The following ARL17B variants were observed in gnomAD, a reference collection of about 807,000 sequenced individuals.
ARL17B encodes ADP-ribosylation factor-like protein 17.
chr17:46,279,184 CTT>C (rs1189159774), intron 4 of ARL17B, among the ~76,000 whole-genome samples: 10 of 136,976 alleles, frequency 7.3e-5, no homozygotes, highest in Admixed American at 7.3e-5. Context: ...TCTTTTTTTT[CTT>C]TTTTTTTTTT....
chr17:46,326,899 TA>T (rs2051756538), intron 3 of ARL17B, among the ~76,000 whole-genome samples: 1 of 60,572 alleles, frequency 1.7e-5, no homozygotes, highest in South Asian at 7.4e-4. Context: ...GCCACAACAA[TA>T]AATTAATCAA....
intron 4 of ARL17B, among the ~76,000 whole-genome samples, chr17:46,290,923 T>C (rs549750481): frequency 3.3e-5 from 5 of 152,362 alleles, no homozygotes; most frequent in African/African-American, 1.2e-4. Context: ...CCTCTTTTTC[T>C]GCAGGGTAAC....
intron 4 of ARL17B, among the ~76,000 whole-genome samples, chr17:46,284,012 C>T (rs1218515384): frequency 1.3e-3 from 202 of 151,754 alleles, no homozygotes; most frequent in Middle Eastern, 3.4e-3. Flanking sequence ...GGCGGTTTTT[C>T]CCTATCTCAG....
At chr17:46,280,342 C>T (rs1184455895) in intron 4 of ARL17B, among the ~76,000 whole-genome samples, 1 of 151,872 alleles carries the variant, frequency 6.6e-6, no homozygotes, top group African/African-American at 2.4e-5. Flanking sequence ...CCAGCCTGGG[C>T]AACAGAGTGA....
rs1567850464 is a variant in ARL17B at position 46,279,179 on chromosome 17, TTTTTC to T, written c.*22-3766_*22-3762del. ...GTCCTTTGCTAATAAGGCATTCTTT[TTTTTC>T]TTTTTTTTTTTTTTTTTGAGACAGA... On this transcript the variant is annotated intron_variant, in intron 4 of 4. Transcript: ENST00000570618. Among the ~76,000 whole-genome samples, 3 of 151,832 alleles carry T rather than the reference TTTTTC, an allele frequency of 2.0e-5. No homozygotes were observed. In the East Asian group the frequency reaches 5.8e-4, roughly 29 times the overall value.
chr17:46,279,172 A>C (rs1321978050), intron 4 of ARL17B, among the ~76,000 whole-genome samples: 1 of 148,234 alleles, frequency 6.7e-6, no homozygotes, highest in Admixed American at 6.8e-5. Context: ...CTAATAAGGC[A>C]TTCTTTTTTT....
chr17:46,288,925 G>A (rs2049992973), intron 4 of ARL17B, among the ~76,000 whole-genome samples: 1 of 152,124 alleles, frequency 6.6e-6, no homozygotes, highest in Non-Finnish European at 1.5e-5. Flanking sequence ...GGCTAGCCTT[G>A]AACTCCTGAC....
At chr17:46,331,564 G>A (rs1456041267), downstream of ARL17B, 1 of 1,606,336 alleles carries the variant, frequency 6.2e-7, no homozygotes, top group African/African-American at 1.4e-5. Context: ...ATTCCGCTGG[G>A]ACTGCATTCA....
At chr17:46,317,180 C>A (rs1201300878) in intron 3 of ARL17B, among the ~76,000 whole-genome samples, 23 of 84,134 alleles carry the variant, frequency 2.7e-4, no homozygotes, top group Non-Finnish European at 5.4e-4. Context: ...ACATCCCAGA[C>A]GGGCATGCCC....
chr17:46,291,235 G>C (rs1247812076), intron 4 of ARL17B, among the ~76,000 whole-genome samples: 3 of 152,236 alleles, frequency 2.0e-5, no homozygotes, highest in African/African-American at 7.2e-5. Flanking sequence ...AGATGGTATA[G>C]CGGGTGCACA....
chr17:46,290,182 T>C (rs529623103), intron 4 of ARL17B, among the ~76,000 whole-genome samples: 1 of 152,304 alleles, frequency 6.6e-6, no homozygotes, highest in African/African-American at 2.4e-5. Flanking sequence ...CCGGCTAGAG[T>C]ACAGTGGTGC....
At chr17:46,289,155 G>A (rs2049999765) in intron 4 of ARL17B, among the ~76,000 whole-genome samples, 2 of 152,236 alleles carry the variant, frequency 1.3e-5, no homozygotes, top group African/African-American at 4.8e-5. Context: ...CAAATTTGGT[G>A]TAAAGAAATC....
intron 4 of ARL17B, among the ~76,000 whole-genome samples, chr17:46,286,681 G>GT (rs2049925903): frequency 6.6e-6 from 1 of 152,250 alleles, no homozygotes; most frequent in Non-Finnish European, 1.5e-5. Flanking sequence ...AATTTGTAAT[G>GT]TAAGTGTATA....
chr17:46,331,517 T>G (rs2051943508), downstream of ARL17B: 1 of 1,606,276 alleles, frequency 6.2e-7, no homozygotes, highest in African/African-American at 1.4e-5. Context: ...AGGAACCATC[T>G]CTGAAAACAC....
intron 4 of ARL17B, among the ~76,000 whole-genome samples, chr17:46,280,543 T>A (rs1288960888): frequency 6.6e-6 from 1 of 151,526 alleles, no homozygotes; most frequent in Admixed American, 6.6e-5. Flanking sequence ...AAGAAAAAAA[T>A]TTGTTTCCTT....
downstream of ARL17B, among the ~76,000 whole-genome samples, chr17:46,274,357 T>C (rs1419361613): frequency 6.6e-6 from 1 of 152,278 alleles, no homozygotes; most frequent in Admixed American, 6.5e-5. Flanking sequence ...TGTACTGTTA[T>C]ATTCAAGTCA....
chr17:46,289,015 T>C (rs1374542035), intron 4 of ARL17B, among the ~76,000 whole-genome samples: 4 of 152,166 alleles, frequency 2.6e-5, no homozygotes, highest in Non-Finnish European at 5.9e-5. Context: ...TACTATTGTC[T>C]CAATATGCAT....
At chr17:46,327,172 T>G (rs1379659630) in intron 3 of ARL17B, among the ~76,000 whole-genome samples, 1 of 84,590 alleles carries the variant, frequency 1.2e-5, no homozygotes, top group Non-Finnish European at 3.4e-5. Flanking sequence ...AAGTTAAGCA[T>G]TTTTGGGAAA....
chr17:46,274,223 T>C (rs1281948232), downstream of ARL17B, among the ~76,000 whole-genome samples: 1 of 152,256 alleles, frequency 6.6e-6, no homozygotes, highest in African/African-American at 2.4e-5. Flanking sequence ...TTATTTTGTT[T>C]CACATACATC....
Sources: gnomAD v4.1 joint callset for allele counts (sites outside exome capture counted in the v4.1 genomes callset) on GRCh38, gnomAD v4.1.1 for gene constraint, MANE v1.5 for transcripts, NCBI Gene and HGNC (gene_info 2026-07-23, HGNC 2026-07-21) for gene names.